The following ZC3H3 variants were observed in gnomAD, a reference collection of about 807,000 sequenced individuals.
ZC3H3 encodes the protein zinc finger CCCH domain-containing protein 3.
In ZC3H3, 36 loss-of-function variants were observed where a neutral mutation model predicts 77.3. The ratio of observed to expected loss-of-function variants is 0.47; its 90% CI spans 0.36 to 0.61. The LOEUF (loss-of-function observed/expected upper bound fraction) is 0.61, where lower values mean the gene tolerates loss of function less well. Among genes scored for constraint, ZC3H3 ranks in the 20% least tolerant of loss-of-function variants. The probability of loss-of-function intolerance (pLI) is 0.00; values close to 1 mark genes in which losing one functional copy is unlikely to be tolerated. For missense variants in ZC3H3, 1,331 were observed against 1,312.2 expected, an observed-to-expected ratio of 1.01 and a Z score of -0.22; for synonymous variants, 626 against 555.2, an observed-to-expected ratio of 1.13 and a Z score of -1.79.
intron 11 of ZC3H3, among the ~76,000 whole-genome samples, chr8:143,439,779 G>C (rs1448539000): frequency 6.6e-6 from 1 of 152,238 alleles, no homozygotes; most frequent in East Asian, 1.9e-4. Flanking sequence ...GTCTGAGGGG[G>C]CATTTAAAGC....
chr8:143,469,968 A>T (rs1820518640), intron 5 of ZC3H3, among the ~76,000 whole-genome samples: 2 of 152,234 alleles, frequency 1.3e-5, no homozygotes. Flanking sequence ...TGGTTTAAAA[A>T]GGGATGTCCC....
In ZC3H3 at chr8:143,538,833, T is replaced by A. The variant is rs1822903158; in HGVS notation, c.534A>T (p.Arg178Ser). The A allele has an allele frequency of 6.2e-7, 1 of 1,612,166 alleles. No individual in the cohort carries two copies. Among genetic ancestry groups the A allele is most frequent in the Admixed American group, 1.7e-5 (1 of 59,940 alleles). The change falls in exon 2 of 12, where the codon AGA becomes AGT. Residue 178 changes from arginine to serine, a missense_variant. Physicochemically the swap from Arg to Ser is moderately radical, Grantham distance 110 (BLOSUM62 -1). Transcript: ENST00000262577. ...RGQLQPSRPT[R>S]ARGTCSVEDP... ...CTTCCACACTGCAGGTCCCCCTGGCTCTTGTTGGCCTCGAGGGCTGCAGCT... is the reference window on the plus strand; with the variant it reads ...CTTCCACACTGCAGGTCCCCCTGGCACTTGTTGGCCTCGAGGGCTGCAGCT...
intron 9 of ZC3H3, among the ~76,000 whole-genome samples, chr8:143,441,363 G>A (rs998168056): frequency 1.3e-5 from 2 of 152,222 alleles, no homozygotes; most frequent in East Asian, 3.8e-4. Flanking sequence ...CACAGACTGA[G>A]AGCAGGGCGG....
At chr8:143,507,998 G>A (rs894951718) in intron 3 of ZC3H3, 99 bp from the exon 4 acceptor site, 64 of 1,360,866 alleles carry the variant, frequency 4.7e-5, no homozygotes, top group Non-Finnish European at 5.6e-5. Flanking sequence ...CACCGCCTCC[G>A]CCGGAGCTTG....
intron 4 of ZC3H3, among the ~76,000 whole-genome samples, chr8:143,485,360 C>T (rs1045038989): frequency 3.3e-5 from 5 of 152,196 alleles, no homozygotes; most frequent in African/African-American, 9.7e-5. Context: ...TCAGGAATAA[C>T]GAAGGGCACA....
At chr8:143,491,526 G>C (rs1306531803) in intron 4 of ZC3H3, among the ~76,000 whole-genome samples, 1 of 152,216 alleles carries the variant, frequency 6.6e-6, no homozygotes, top group Non-Finnish European at 1.5e-5. Flanking sequence ...GCAGCATCTT[G>C]AGCCCCACGG....
At position 143,437,882 on chromosome 8, in the gene ZC3H3, G is replaced by A; in HGVS notation, c.*174C>T. 2.3e-6 allele frequency: 2 copies of A among 867,008 alleles called. No individual in the cohort carries two copies. Among genetic ancestry groups the A allele is most frequent in the Non-Finnish European group, 3.6e-6 (2 of 553,816 alleles). The allele number at this position is 867,008 out of a possible 1,614,324, so 53.7% of individuals were successfully genotyped here. A position where few individuals can be genotyped will look rare whatever the true frequency, so the allele number is the denominator to read the frequency against. ...GCTTGGGGGAGGAAGACCAGGCCCT[G>A]CGCACACGCTGGTCATGGAAGGTTG... On this transcript the variant is annotated 3_prime_UTR_variant, in exon 12 of 12. Coordinates refer to ENST00000262577, the MANE Select transcript of ZC3H3 (RefSeq NM_015117.3).
chr8:143,463,636 G>A (rs927253479), intron 9 of ZC3H3, among the ~76,000 whole-genome samples: 5 of 152,208 alleles, frequency 3.3e-5, no homozygotes, highest in African/African-American at 1.2e-4. Context: ...CCAGCAAGAC[G>A]TATCAGCCGG....
At chr8:143,477,185 A>G (rs778822611) in intron 4 of ZC3H3, among the ~76,000 whole-genome samples, 29 of 152,310 alleles carry the variant, frequency 1.9e-4, no homozygotes, top group East Asian at 3.9e-4. Flanking sequence ...CCCATTAGAG[A>G]GAGAATGGGA....
intron 9 of ZC3H3, among the ~76,000 whole-genome samples, chr8:143,456,154 T>C (rs1469705119): frequency 6.6e-6 from 1 of 151,506 alleles, no homozygotes; most frequent in Non-Finnish European, 1.5e-5. Context: ...TGAATAAAGA[T>C]CTATATTGAA....
chr8:143,528,286 C>G (rs896197196), intron 3 of ZC3H3, among the ~76,000 whole-genome samples: 1 of 152,232 alleles, frequency 6.6e-6, no homozygotes, highest in Non-Finnish European at 1.5e-5. Flanking sequence ...AGGCTGGGAC[C>G]CAGACCCAGC....
rs35868970 is a variant in ZC3H3, at chr8:143,523,896, G to A, written c.1561+12361C>T. Among the ~76,000 whole-genome samples the A allele has an allele frequency of 8.4e-3, 1,282 of 152,364 alleles. 9 individuals are homozygous for A. The highest frequency in any genetic ancestry group is 0.029 in the African/African-American group (1,214 of 41,582). On this transcript the variant is annotated intron_variant, in intron 3 of 11. Coordinates refer to ENST00000262577, the MANE Select transcript of ZC3H3 (RefSeq NM_015117.3). The stretch of plus-strand genomic sequence containing the variant: ...AGCAAGCTGGCATGGGCTGGGGGCG[G>A]GTGAAGGACGGGGCCTCACTACAGG...
intron 4 of ZC3H3, among the ~76,000 whole-genome samples, chr8:143,492,727 GGC>G: frequency 6.7e-6 from 1 of 149,482 alleles, no homozygotes; most frequent in African/African-American, 2.5e-5. Flanking sequence ...CTGGCCCAGG[GGC>G]TCCCTCCTCA....
intron 4 of ZC3H3, among the ~76,000 whole-genome samples, chr8:143,490,816 G>A (rs1369212303): frequency 2.6e-5 from 4 of 152,244 alleles, no homozygotes; most frequent in African/African-American, 9.6e-5. Context: ...TCCGGAGGCT[G>A]AAGTGGGAGA....
chr8:143,537,868 T>G, intron 2 of ZC3H3, 135 bp downstream of exon 2: 1 of 1,018,220 alleles, frequency 9.8e-7, no homozygotes, highest in Non-Finnish European at 1.4e-6. Context: ...ACAGCAGCAC[T>G]TCCTGCCTCA....
chr8:143,444,931 A>T lies in ZC3H3; in HGVS notation c.2308-3811T>A, dbSNP rs533272790. 3.9e-5 allele frequency among the ~76,000 whole-genome samples: 6 copies of T among 152,364 alleles called. No individual in the cohort carries two copies. The East Asian group carries it at 7.7e-4, about 20-fold the overall frequency. ...ATAATTGTTTATACAGAAAAATGCA[A>T]GAGAATTTATAAACTAATTACTAAT... is the stretch of plus-strand genomic sequence containing the variant. On this transcript the variant is annotated intron_variant, in intron 9 of 11. Coordinates refer to ENST00000262577, the MANE Select transcript of ZC3H3 (RefSeq NM_015117.3).
At chr8:143,471,762 C>A (rs1253255577) in intron 5 of ZC3H3, among the ~76,000 whole-genome samples, 1 of 152,206 alleles carries the variant, frequency 6.6e-6, no homozygotes, top group Non-Finnish European at 1.5e-5. Context: ...CCACCCCCAC[C>A]CCTTCCAAGA....
chr8:143,525,677 T>A (rs531342986), intron 3 of ZC3H3, among the ~76,000 whole-genome samples: 1 of 152,366 alleles, frequency 6.6e-6, no homozygotes, highest in South Asian at 2.1e-4. Context: ...ACAGCCCTGG[T>A]CTTCCTGCTA....
Position 143,535,328 on chromosome 8 carries a change from C to T in ZC3H3, c.1561+929G>A, listed in dbSNP as rs377532873. Among the ~76,000 whole-genome samples, 127 of 152,276 alleles carry T rather than the reference C, an allele frequency of 8.3e-4. 1 individual carries two copies. The South Asian group carries it at 0.011, about 14-fold the overall frequency. ...AGCTGGGATTACAGCCATGAGCAACCGCGCCCAGCCTTGGCTAGATTTCTG... is the reference window on the plus strand; with the variant it reads ...AGCTGGGATTACAGCCATGAGCAACTGCGCCCAGCCTTGGCTAGATTTCTG... On this transcript the variant is annotated intron_variant, in intron 3 of 11. Transcript: ENST00000262577.
Sources: allele counts gnomAD v4.1 joint callset (sites outside exome capture counted in the v4.1 genomes callset), GRCh38; gene constraint gnomAD v4.1.1; transcripts MANE v1.5; gene names NCBI Gene and HGNC (gene_info 2026-07-23, HGNC 2026-07-21).